Variants in GLRX observed in about 807,000 individuals in gnomAD.
The protein encoded by GLRX is glutaredoxin-1.
GLRX carries 9 observed loss-of-function variants against 11.1 expected under a neutral mutation model. That is an observed-to-expected ratio of 0.81 (90% CI 0.49 to 1.42). The LOEUF is 1.42. GLRX is among the 40% of genes most tolerant of loss of function. The probability of loss-of-function intolerance (pLI) is 0.00; values close to 1 mark genes in which losing one functional copy is unlikely to be tolerated. For synonymous variants in GLRX, 49 were observed against 49.5 expected (o/e 0.99, Z 0.04); for missense variants, 102 against 126.2 (o/e 0.81, Z 0.92).
intron 1 of GLRX, 125 bp from the exon 2 acceptor site, chr5:95,816,751 A>G: frequency 1.6e-6 from 1 of 638,454 alleles, no homozygotes; most frequent in East Asian, 2.7e-5. Flanking sequence ...CCTTATGTAT[A>G]TGCTCACAGG....
In GLRX at chr5:95,816,643, C is replaced by A. The variant is rs1478706201; in HGVS notation, c.208-17G>T. On this transcript the variant is annotated splice_polypyrimidine_tract_variant and intron_variant, in intron 1 of 2. Transcript: ENST00000237858. Reference sequence around the variant, plus strand: ...TCGAGGCACCTAAAAAAGCACACGACCCAGGACATTACTACATTACTAGAT... The same window carrying A: ...TCGAGGCACCTAAAAAAGCACACGAACCAGGACATTACTACATTACTAGAT... The A allele has an allele frequency of 1.7e-6, 2 of 1,183,570 alleles. No individual in the cohort carries two copies. The allele number at this position is 1,183,570 out of a possible 1,614,324, so 73.3% of individuals were successfully genotyped here.
At chr5:95,816,722 T>A in intron 1 of GLRX, 96 bp from the exon 2 acceptor site, 4 of 731,570 alleles carry the variant, frequency 5.5e-6, no homozygotes, top group South Asian at 3.1e-5. Flanking sequence ...TCCAAACTTT[T>A]CAAATCACTT....
At chr5:95,820,363 A>AC (rs1200630881) in intron 1 of GLRX, among the ~76,000 whole-genome samples, 1 of 150,816 alleles carries the variant, frequency 6.6e-6, no homozygotes, top group South Asian at 2.1e-4. Flanking sequence ...AAAAAAAAAA[A>AC]AAAAAAAAAA....
chr5:95,819,775 TG>T (rs1561467521), intron 1 of GLRX, among the ~76,000 whole-genome samples: 1 of 151,990 alleles, frequency 6.6e-6, no homozygotes, highest in East Asian at 1.9e-4. Context: ...GGCAGACGCC[TG>T]TAGTCCCAGC....
intron 1 of GLRX, chr5:95,817,385 C>T (rs1048833899): frequency 6.6e-5 from 10 of 152,504 alleles, no homozygotes; most frequent in Non-Finnish European, 1.3e-4. Flanking sequence ...ATTGCACTCA[C>T]ACCTGGACGA....
chr5:95,815,622 A>G (rs1005969725), intron 2 of GLRX, among the ~76,000 whole-genome samples: 1 of 152,158 alleles, frequency 6.6e-6, no homozygotes, highest in African/African-American at 2.4e-5. Context: ...CCTGCTTGGG[A>G]GCTAGCTAGC....
chr5:95,813,914 T>G lies in GLRX; in HGVS notation c.*482A>C, dbSNP rs1052914904. ...ATATAAACACAGTTTTAAGTTAGTG[T>G]ATTTCGCATAACATTCCTTAATGTC... On this transcript the variant is annotated 3_prime_UTR_variant, in exon 3 of 3. Transcript: ENST00000237858. 10 of 152,262 alleles carry G rather than the reference T, an allele frequency of 6.6e-5. No individual in the cohort carries two copies. Among genetic ancestry groups the G allele is most frequent in the African/African-American group, 2.4e-4 (10 of 41,470 alleles). 9.4% of individuals were successfully genotyped at this position (152,262 alleles called of 1,614,324 possible).
chr5:95,819,669 G>A (rs941460987), intron 1 of GLRX, among the ~76,000 whole-genome samples: 1 of 152,078 alleles, frequency 6.6e-6, no homozygotes, highest in Admixed American at 6.6e-5. Flanking sequence ...GGAGGCTGAG[G>A]CGGGTGGATC....
chr5:95,819,772 G>A (rs902175964), intron 1 of GLRX, among the ~76,000 whole-genome samples: 5 of 151,954 alleles, frequency 3.3e-5, no homozygotes, highest in African/African-American at 1.2e-4. Flanking sequence ...GGTGGCAGAC[G>A]CCTGTAGTCC....
chr5:95,822,005 G>A (rs1747255497), intron 1 of GLRX, among the ~76,000 whole-genome samples: 1 of 152,122 alleles, frequency 6.6e-6, no homozygotes, highest in Non-Finnish European at 1.5e-5. Flanking sequence ...AAGGAAGAAT[G>A]AGCAAATTAG....
At chr5:95,816,757 A>G (rs1212089370) in intron 1 of GLRX, 131 bp from the exon 2 acceptor site, 1 of 605,046 alleles carries the variant, frequency 1.7e-6, no homozygotes, top group Non-Finnish European at 3.0e-6. Flanking sequence ...GTATATGCTC[A>G]CAGGACAGGA....
At chr5:95,822,205 CT>C in intron 1 of GLRX, 4 of 550,730 alleles carry the variant, frequency 7.3e-6, no homozygotes, top group Non-Finnish European at 1.3e-5. Flanking sequence ...GCTGGTCCCA[CT>C]TACCCTGCCG....
chr5:95,816,771 C>A (rs983281494), intron 1 of GLRX, 145 bp from the exon 2 acceptor site: 2 of 581,922 alleles, frequency 3.4e-6, no homozygotes, highest in Non-Finnish European at 6.2e-6. Context: ...GACAGGACTT[C>A]CTTTCTGTTA....
chr5:95,817,568 A>T (rs1747052566), intron 1 of GLRX: 1 of 152,282 alleles, frequency 6.6e-6, no homozygotes. Flanking sequence ...CACCTGCTGA[A>T]TAGGCTCCTC....
In GLRX at chr5:95,819,664, C is replaced by A. The variant is rs557587940; in HGVS notation, c.207+2792G>T. Among the ~76,000 whole-genome samples the A allele has an allele frequency of 2.4e-3, 361 of 152,224 alleles. 1 individual carries two copies. Among genetic ancestry groups the A allele is most frequent in the Non-Finnish European group, 3.8e-3 (258 of 68,024 alleles). ...CCTGTAATCCCAGCACTTTGGGAGG[C>A]TGAGGCGGGTGGATCACGAGGTCAG... is the stretch of plus-strand genomic sequence containing the variant. On this transcript the variant is annotated intron_variant, in intron 1 of 2. Transcript: ENST00000237858.
At chr5:95,818,505 AC>A (rs1252439926) in intron 1 of GLRX, 3 of 152,192 alleles carry the variant, frequency 2.0e-5, no homozygotes, top group Non-Finnish European at 4.4e-5. Context: ...ATTCTCCTGC[AC>A]TAGGTTTCCC....
intron 2 of GLRX, among the ~76,000 whole-genome samples, chr5:95,815,925 TCTTC>T (rs757322404): frequency 1.3e-5 from 2 of 152,210 alleles, no homozygotes; most frequent in Non-Finnish European, 2.9e-5. Context: ...TTCTCGCTAT[TCTTC>T]CTTTTCACTG....
chr5:95,822,670 G>C lies in GLRX; in HGVS notation c.-8C>G, dbSNP rs1410077322. The C allele has an allele frequency of 6.2e-7, 1 of 1,612,434 alleles. No individual in the cohort carries two copies. The highest frequency in any genetic ancestry group is 1.3e-5 in the African/African-American group (1 of 74,882). ...CACAAACTCTTGAGCCATGCCGATG[G>C]GCTGCGGTCTCCCCGGGAAGAATCC... On this transcript the variant is annotated 5_prime_UTR_variant, in exon 1 of 3. Transcript: ENST00000237858.
Position 95,822,691 on chromosome 5 carries a change from A to C in GLRX, c.-29T>G. The C allele has an allele frequency of 1.9e-6, 3 of 1,591,930 alleles. No homozygotes were observed. Among genetic ancestry groups the C allele is most frequent in the Non-Finnish European group, 2.6e-6 (3 of 1,160,640 alleles). On this transcript the variant is annotated 5_prime_UTR_variant, in exon 1 of 3. In the 5' UTR this introduces an upstream ATG that the reference lacks. Coordinates refer to ENST00000237858, the MANE Select transcript of GLRX (RefSeq NM_001118890.2). Reference sequence around the variant, plus strand: ...GATGGGCTGCGGTCTCCCCGGGAAGAATCCTCAGTTGCAGGTATTGCTTGG... The same window carrying C: ...GATGGGCTGCGGTCTCCCCGGGAAGCATCCTCAGTTGCAGGTATTGCTTGG...
Sources: gnomAD v4.1 joint callset for allele counts (sites outside exome capture counted in the v4.1 genomes callset) on GRCh38, gnomAD v4.1.1 for gene constraint, MANE v1.5 for transcripts, NCBI Gene and HGNC (gene_info 2026-07-23, HGNC 2026-07-21) for gene names.